Variants in LMNB1 observed in about 807,000 individuals in gnomAD.
LMNB1 encodes the protein lamin-B1.
Under a neutral mutation model 67.1 loss-of-function variants are expected in LMNB1, and 23 were observed. The ratio of observed to expected loss-of-function variants is 0.34; its 90% confidence interval spans 0.25 to 0.49. The LOEUF (loss-of-function observed/expected upper bound fraction) is 0.49, where lower values mean the gene tolerates loss of function less well. LMNB1 is among the 20% of genes least tolerant of loss of function. LMNB1 has a pLI of 0.99. For synonymous variants in LMNB1, 281 were observed against 282.9 expected (o/e 0.99, Z 0.07); for missense variants, 634 against 746.5 (o/e 0.85, Z 1.76).
chr5:126,825,111 T>A (rs565744699), intron 8 of LMNB1, among the ~76,000 whole-genome samples: 9 of 152,218 alleles, frequency 5.9e-5, no homozygotes, highest in Non-Finnish European at 1.3e-4. Flanking sequence ...TTTTAAATGA[T>A]CTTTCTAAGA....
Position 126,805,634 on chromosome 5 carries a change from T to G in LMNB1, c.580T>G (p.Leu194Val). ...LADETLLKVD[L>V]ENRCQSLTED... is the part of the protein sequence containing the mutation. ...AGATGAAACTTTACTTAAAGTAGAT[T>G]TGGAGAATCGTTGTCAGAGCCTTAC... Residue 194 changes from leucine to valine, a missense_variant, in exon 3 of 11, where the codon TTG becomes GTG. Transcript: ENST00000261366. 6.2e-7 allele frequency: 1 copy of G among 1,612,888 alleles called. No individual in the cohort carries two copies. The highest frequency in any genetic ancestry group is 8.5e-7 in the Non-Finnish European group (1 of 1,178,954).
At position 126,777,352 on chromosome 5, in the gene LMNB1, C is replaced by CTTT; in HGVS notation, c.-157_-156insTTT. The CTTT allele has an allele frequency of 1.2e-6, 1 of 817,242 alleles. No homozygotes were observed. The highest frequency in any genetic ancestry group is 1.6e-6 in the Non-Finnish European group (1 of 611,588). The allele number at this position is 817,242 out of a possible 1,614,324, so 50.6% of individuals were successfully genotyped here. A position where few individuals can be genotyped will look rare whatever the true frequency, so the allele number is the denominator to read the frequency against. On this transcript the variant is annotated 5_prime_UTR_variant, in exon 1 of 11. Transcript: ENST00000261366. ...CCTTTGTGCTGTAATCGAGCTCCCG[C>CTTT]CATCCCAGGTGCTTCTCCGTTCCTC...
Position 126,834,147 on chromosome 5 carries a change from C to G in LMNB1, c.1719+1346C>G, listed in dbSNP as rs1231215379. Among the ~76,000 whole-genome samples, 5 of 152,004 alleles carry G rather than the reference C, an allele frequency of 3.3e-5. No individual in the cohort carries two copies. In the East Asian group the frequency reaches 9.6e-4, roughly 29 times the overall value. ...GATTTCTATGATTTAAGAGTTTAGT[C>G]AAAGCTTTATAGCATGGCAATTGTC... On this transcript the variant is annotated intron_variant, in intron 10 of 10. Transcript: ENST00000261366.
At chr5:126,787,546 A>ATATATTTTTTTTTTTTTTTTTTTT in intron 1 of LMNB1, among the ~76,000 whole-genome samples, 3 of 65,574 alleles carry the variant, frequency 4.6e-5, no homozygotes, top group Non-Finnish European at 8.2e-5. Context: ...ATATATATAT[A>ATATATTTTTTTTTTTTTTTTTTTT]TTTTTTTTTT....
intron 1 of LMNB1, among the ~76,000 whole-genome samples, chr5:126,797,635 A>G (rs1395557628): frequency 6.6e-6 from 1 of 152,232 alleles, no homozygotes; most frequent in African/African-American, 2.4e-5. Context: ...CACTTTGACT[A>G]TGTGCTGATA....
intron 1 of LMNB1, among the ~76,000 whole-genome samples, chr5:126,804,439 T>C (rs1751365540): frequency 6.6e-6 from 1 of 152,160 alleles, no homozygotes; most frequent in African/African-American, 2.4e-5. Flanking sequence ...ATTTAAAAAA[T>C]GAATTTTCAT....
At chr5:126,802,106 C>T (rs2112951978) in intron 1 of LMNB1, among the ~76,000 whole-genome samples, 1 of 152,140 alleles carries the variant, frequency 6.6e-6, no homozygotes, top group Admixed American at 6.5e-5. Flanking sequence ...ATTTTTTCCT[C>T]TTCTGGACTA....
rs1029242875 is a variant in LMNB1, at chr5:126,777,800, C to G, written c.292C>G (p.Arg98Gly). The change falls in exon 1 of 11, where the codon CGC becomes GGC. Residue 98 changes from arginine (R) to glycine (G), a missense_variant. Coordinates refer to ENST00000261366, the MANE Select transcript of LMNB1 (RefSeq NM_005573.4). ...DARRALDDTARERAKLQIELG... is the reference protein window; with the variant it reads ...DARRALDDTAGERAKLQIELG... ...GCGACGCGCGCTCGACGACACGGCC[C>G]GCGAGCGCGCCAAGCTGCAGATCGA... 6.0e-6 allele frequency: 9 copies of G among 1,492,712 alleles called. No individual in the cohort carries two copies. Among genetic ancestry groups the G allele is most frequent in the South Asian group, 1.3e-5 (1 of 77,690 alleles). 92.5% of individuals were successfully genotyped at this position (1,492,712 alleles called of 1,614,324 possible).
At chr5:126,781,229 G>A (rs952258232) in intron 1 of LMNB1, among the ~76,000 whole-genome samples, 1 of 152,068 alleles carries the variant, frequency 6.6e-6, no homozygotes, top group African/African-American at 2.4e-5. Context: ...GGCGGAGGTT[G>A]CAGTGAGCTG....
chr5:126,800,982 A>ATATATATATATATTTTTTTT, intron 1 of LMNB1, among the ~76,000 whole-genome samples: 2 of 18,630 alleles, frequency 1.1e-4, no homozygotes, highest in Admixed American at 9.5e-4. Flanking sequence ...TATATATATA[A>ATATATATATATATTTTTTTT]TTTTTTTTTT....
chr5:126,779,441 A>G (rs1279902058), intron 1 of LMNB1, among the ~76,000 whole-genome samples: 2 of 152,174 alleles, frequency 1.3e-5, no homozygotes, highest in Admixed American at 1.3e-4. Context: ...TATTATTTCT[A>G]TGTTCCTCCA....
At position 126,810,257 on chromosome 5, in the gene LMNB1, C is replaced by T. The variant is rs868529205; in HGVS notation, c.720C>T (p.Tyr240=). 48 of 1,613,872 alleles carry T rather than the reference C, an allele frequency of 3.0e-5. No individual in the cohort carries two copies. The highest frequency in any genetic ancestry group is 3.9e-5 in the Non-Finnish European group (46 of 1,179,888). The change falls in exon 4 of 11, where the codon TAC becomes TAT. Residue 240 remains tyrosine, a synonymous_variant. Transcript: ENST00000261366. ...CTGGGCGTCAAATTGAGTATGAGTACAAGCTGGCGCAAGCCCTTCATGAGA... is the reference window on the plus strand; with the variant it reads ...CTGGGCGTCAAATTGAGTATGAGTATAAGCTGGCGCAAGCCCTTCATGAGA... ...VDSGRQIEYE[Y]KLAQALHEMR... is the part of the protein sequence containing the mutation.
At position 126,777,714 on chromosome 5, in the gene LMNB1, A is replaced by G. The variant is rs368286117; in HGVS notation, c.206A>G (p.Glu69Gly). The change falls in exon 1 of 11, where the codon GAG becomes GGG. Residue 69 changes from glutamate (E) to glycine (G), a missense_variant. By Grantham distance (98) the Glu-to-Gly change is moderately conservative (BLOSUM62 -2). Transcript: ENST00000261366. ...ALQLQVTEREEVRGRELTGLK... is the reference protein window; with the variant it reads ...ALQLQVTEREGVRGRELTGLK... ...CAGCTGCAGGTGACGGAGCGCGAGG[A>G]GGTGCGCGGCCGTGAGCTCACCGGC... 2.3e-5 allele frequency: 35 copies of G among 1,544,318 alleles called. No homozygotes were observed. The African/African-American group carries it at 4.6e-4, about 20-fold the overall frequency.
intron 1 of LMNB1, among the ~76,000 whole-genome samples, chr5:126,784,452 GTTTA>G (rs1750711586): frequency 6.8e-6 from 1 of 146,568 alleles, no homozygotes; most frequent in Non-Finnish European, 1.5e-5. Flanking sequence ...GCCCCTCCAG[GTTTA>G]AGCAATTCTC....
chr5:126,777,036 C>T (rs1461384033), upstream of LMNB1: 1 of 154,620 alleles, frequency 6.5e-6, no homozygotes, highest in Non-Finnish European at 1.4e-5. Flanking sequence ...CCGGGGCGTG[C>T]CGGCCATGTT....
rs755177047 is a variant in LMNB1 at position 126,777,649 on chromosome 5, C to T, written c.141C>T (p.Ile47=). 1.7e-4 allele frequency: 265 copies of T among 1,544,076 alleles called. No homozygotes were observed. The highest frequency in any genetic ancestry group is 1.7e-4 in the Middle Eastern group (1 of 5,954). ...TCAATGACCGGCTGGCGGTGTACAT[C>T]GACAAGGTGCGCAGCCTGGAGACGG... is the stretch of plus-strand genomic sequence containing the variant. ...RELNDRLAVY[I]DKVRSLETEN... Residue 47 remains isoleucine, a synonymous_variant, in exon 1 of 11, where the codon ATC becomes ATT. Transcript: ENST00000261366.
intron 1 of LMNB1, among the ~76,000 whole-genome samples, chr5:126,797,012 C>T (rs1751114584): frequency 6.6e-6 from 1 of 152,098 alleles, no homozygotes. Flanking sequence ...TGGTCTTGAA[C>T]TCCTGGCCTC....
At chr5:126,818,119 G>T (rs1311325124) in intron 5 of LMNB1, among the ~76,000 whole-genome samples, 1 of 152,162 alleles carries the variant, frequency 6.6e-6, no homozygotes, top group Non-Finnish European at 1.5e-5. Flanking sequence ...GGGACACTAG[G>T]TAGTGCCTTC....
chr5:126,802,536 C>T (rs770738641), intron 1 of LMNB1, among the ~76,000 whole-genome samples: 3 of 152,132 alleles, frequency 2.0e-5, no homozygotes, highest in Non-Finnish European at 4.4e-5. Flanking sequence ...CTCTACCTCC[C>T]GGGTTCAGGC....
Sources: gnomAD v4.1 joint callset for allele counts (sites outside exome capture counted in the v4.1 genomes callset) on GRCh38, gnomAD v4.1.1 for gene constraint, MANE v1.5 for transcripts, NCBI Gene and HGNC (gene_info 2026-07-23, HGNC 2026-07-21) for gene names.